KMT2C: variants seen among roughly 807,000 people sequenced by gnomAD.
KMT2C encodes lysine methyltransferase 2C.
Under a neutral mutation model 507.9 loss-of-function variants are expected in KMT2C, and 88 were observed. That is an observed-to-expected ratio of 0.17 (90% CI 0.15 to 0.21). The LOEUF (loss-of-function observed/expected upper bound fraction) is 0.21, where lower values mean the gene tolerates loss of function less well. Ranked by LOEUF, KMT2C falls within the 10% of genes least tolerant of loss-of-function variation. The pLI is 1.00. For missense variants in KMT2C, 4,954 were observed against 5,957.8 expected, an observed-to-expected ratio of 0.83 and a Z score of 5.55; for synonymous variants, 2,049 against 2,080.8, an observed-to-expected ratio of 0.98 and a Z score of 0.42.
In KMT2C at chr7:152,309,370, A is replaced by G. The variant is rs187970236; in HGVS notation, c.849+596T>C. Among the ~76,000 whole-genome samples the G allele has an allele frequency of 7.2e-3, 1,014 of 140,628 alleles. 11 individuals are homozygous for G. Among genetic ancestry groups the G allele is most frequent in the South Asian group, 0.034 (154 of 4,486 alleles). 92.3% of individuals were successfully genotyped at this position (140,628 alleles called of 152,430 possible). ...CTCACTCCAACGCCCAGGCTGGAGT[A>G]TGGAGTGCAGTGGTGCAATCATGGC... On this transcript the variant is annotated intron_variant, in intron 6 of 58. Transcript: ENST00000262189.
At chr7:152,200,519 A>G (rs549709804) in intron 26 of KMT2C, among the ~76,000 whole-genome samples, 2 of 152,264 alleles carry the variant, frequency 1.3e-5, no homozygotes, top group South Asian at 2.1e-4. Flanking sequence ...ACTTAGGCCC[A>G]GGAGTTAGAG....
rs766731536 is a variant in KMT2C, at chr7:152,182,508, T to C, written c.5352A>G (p.Gln1784=). Residue 1784 remains glutamine (Q), a synonymous_variant, in exon 36 of 59, where the codon CAA becomes CAG. Coordinates refer to ENST00000262189, the MANE Select transcript of KMT2C (RefSeq NM_170606.3). ...GATGCTGAGAACCAAATTGCTGTTG[T>C]TGCTGCTGCTGCTGCTCATTTTTCA... The part of the protein sequence containing the change: ...EQVKNEQQQQ[Q]QQQFGSQHLL... The C allele has an allele frequency of 2.5e-6, 4 of 1,613,896 alleles. No individual in the cohort carries two copies. Among genetic ancestry groups the C allele is most frequent in the African/African-American group, 1.3e-5 (1 of 75,040 alleles).
intron 6 of KMT2C, among the ~76,000 whole-genome samples, chr7:152,288,288 T>C (rs72503102): frequency 1.4e-5 from 2 of 146,580 alleles, no homozygotes; most frequent in African/African-American, 5.0e-5. Flanking sequence ...AATCCTAGCA[T>C]TTTGGGAGGC....
At chr7:152,360,670 C>T (rs1273137286) in intron 1 of KMT2C, among the ~76,000 whole-genome samples, 1 of 151,534 alleles carries the variant, frequency 6.6e-6, no homozygotes, top group Admixed American at 6.6e-5. Context: ...CCCGTCACTA[C>T]TAAAAAAAAT....
intron 9 of KMT2C, among the ~76,000 whole-genome samples, chr7:152,256,994 T>C (rs999454023): frequency 6.6e-6 from 1 of 152,192 alleles, no homozygotes; most frequent in African/African-American, 2.4e-5. Context: ...GCAATAATCC[T>C]ACTTCTAGGA....
chr7:152,307,072 G>C (rs541302706), intron 6 of KMT2C, among the ~76,000 whole-genome samples: 1 of 152,018 alleles, frequency 6.6e-6, no homozygotes, highest in East Asian at 1.9e-4. Context: ...GGGGAGAACT[G>C]TTTGAGCCTG....
In KMT2C at chr7:152,435,679, A is replaced by G; in HGVS notation, c.108T>C (p.Pro36=). 6.5e-7 allele frequency: 1 copy of G among 1,546,798 alleles called. No homozygotes were observed. Among genetic ancestry groups the G allele is most frequent in the Non-Finnish European group, 8.7e-7 (1 of 1,146,068 alleles). The change falls in exon 1 of 59, where the codon CCT becomes CCC. Residue 36 remains proline, a synonymous_variant. Transcript: ENST00000262189. ...CGCCATCTTTGCGAGGCCGGCCCCG[A>G]GGTCTTTTGTCTGCGGCTGCGGGGC... The part of the protein sequence containing the change: ...APSPAAADKR[P]RGRPRKDGAS...
chr7:152,198,322 T>C (rs778377321), intron 27 of KMT2C, among the ~76,000 whole-genome samples: 2 of 152,192 alleles, frequency 1.3e-5, no homozygotes, highest in Non-Finnish European at 2.9e-5. Context: ...TCAAAAATAG[T>C]TGTCAGTATT....
rs71198770 is a variant in KMT2C at position 152,253,514 on chromosome 7, C to CAAAAAAAA, written c.1300-807_1300-800dup. On this transcript the variant is annotated intron_variant, in intron 9 of 58. Coordinates refer to ENST00000262189, the MANE Select transcript of KMT2C (RefSeq NM_170606.3). ...AGAAGGCAAAACACCTCTTTCTCTA[C>CAAAAAAAA]AAAAAAAAAAAAAAAAAAAAAAAAA... Among the ~76,000 whole-genome samples, 162 of 39,514 alleles carry CAAAAAAAA rather than the reference C, an allele frequency of 4.1e-3. 9 individuals carry two copies. Among genetic ancestry groups the CAAAAAAAA allele is most frequent in the African/African-American group, 0.012 (154 of 12,818 alleles). 25.9% of individuals were successfully genotyped at this position (39,514 alleles called of 152,430 possible).
rs979036950 is a variant in KMT2C at position 152,201,297 on chromosome 7, C to CAG, written c.4092+1636_4092+1637insCT. The stretch of plus-strand genomic sequence containing the variant: ...CATGTCACACATACAGACACAGACA[C>CAG]ACACACACACACACACACACACACA... On this transcript the variant is annotated intron_variant, in intron 26 of 58. Coordinates refer to ENST00000262189, the MANE Select transcript of KMT2C (RefSeq NM_170606.3). Among the ~76,000 whole-genome samples, 31 of 125,974 alleles carry CAG rather than the reference C, an allele frequency of 2.5e-4. No individual in the cohort carries two copies. The South Asian group carries it at 2.5e-3, about 10-fold the overall frequency. The allele number at this position is 125,974 out of a possible 152,430, so 82.6% of individuals were successfully genotyped here. A position where few individuals can be genotyped will look rare whatever the true frequency, so the allele number is the denominator to read the frequency against.
intron 43 of KMT2C, among the ~76,000 whole-genome samples, 197 bp from the exon 44 acceptor site, chr7:152,159,269 A>T (rs547414187): frequency 2.1e-4 from 32 of 152,352 alleles, no homozygotes; most frequent in African/African-American, 7.2e-4. Flanking sequence ...CGAGTATGGA[A>T]ATCAGTAAGC....
chr7:152,357,684 G>A (rs986144067), intron 2 of KMT2C, among the ~76,000 whole-genome samples: 9 of 151,954 alleles, frequency 5.9e-5, no homozygotes, highest in African/African-American at 2.2e-4. Context: ...GCACAAAAGG[G>A]TGAAATTTAG....
At chr7:152,408,892 A>G (rs2097651249) in intron 1 of KMT2C, among the ~76,000 whole-genome samples, 1 of 152,180 alleles carries the variant, frequency 6.6e-6, no homozygotes, top group Non-Finnish European at 1.5e-5. Flanking sequence ...TAACAGTCTA[A>G]TATGAATTTA....
chr7:152,348,648 T>C (rs1430983302), intron 2 of KMT2C, among the ~76,000 whole-genome samples: 2 of 90,876 alleles, frequency 2.2e-5, no homozygotes, highest in South Asian at 7.2e-4. Flanking sequence ...AAAAAAAGCA[T>C]AGGGAATACA....
chr7:152,174,477 A>G (rs912435053), intron 38 of KMT2C, among the ~76,000 whole-genome samples: 1 of 152,246 alleles, frequency 6.6e-6, no homozygotes, highest in Non-Finnish European at 1.5e-5. Context: ...GGAGATTATA[A>G]GCAATAATCT....
rs2092551310 is a variant in KMT2C, at chr7:152,163,233, C to T, written c.10344G>A (p.Val3448=). The T allele has an allele frequency of 6.2e-7, 1 of 1,614,070 alleles. No individual in the cohort carries two copies. The highest frequency in any genetic ancestry group is 1.3e-5 in the African/African-American group (1 of 74,920). ...CGGAACTGTAGAAGGGAATCTGGGA[C>T]ACAGATGTCCTACTACTACTTATCT... ...GSEISSSRTS[V]SQIPFYSSDL... Residue 3448 remains valine, a synonymous_variant, in exon 43 of 59, where the codon GTG becomes GTA. Transcript: ENST00000262189.
chr7:152,141,731 AAT>A (rs1554446874), intron 55 of KMT2C, among the ~76,000 whole-genome samples: 1 of 145,676 alleles, frequency 6.9e-6, no homozygotes, highest in African/African-American at 2.6e-5. Context: ...AAAAAAAAAA[AAT>A]TCATGCCAGC....
intron 3 of KMT2C, among the ~76,000 whole-genome samples, chr7:152,318,473 A>T: frequency 6.7e-6 from 1 of 149,968 alleles, no homozygotes; most frequent in Non-Finnish European, 1.5e-5. Context: ...AAAATACAAA[A>T]AAATTAGCCA....
chr7:152,386,581 G>C (rs1374416572), intron 1 of KMT2C, among the ~76,000 whole-genome samples: 1 of 152,312 alleles, frequency 6.6e-6, no homozygotes, highest in Non-Finnish European at 1.5e-5. Flanking sequence ...ACTACTCCCA[G>C]GCCTTGTCCC....
Sources: gnomAD v4.1 joint callset for allele counts (sites outside exome capture counted in the v4.1 genomes callset) on GRCh38, gnomAD v4.1.1 for gene constraint, MANE v1.5 for transcripts, NCBI Gene and HGNC (gene_info 2026-07-23, HGNC 2026-07-21) for gene names.